The following CCNO variants were observed in gnomAD, a reference collection of about 807,000 sequenced individuals.
CCNO encodes the protein cyclin-O.
CCNO carries 24 observed loss-of-function variants against 23.9 expected under a neutral mutation model. That is an observed-to-expected ratio of 1.00 (90% CI 0.73 to 1.41). The LOEUF (loss-of-function observed/expected upper bound fraction) is 1.41. CCNO is among the 40% of genes most tolerant of loss of function. The probability of loss-of-function intolerance (pLI) is 0.00; values close to 1 mark genes in which losing one functional copy is unlikely to be tolerated. For synonymous variants in CCNO, 241 were observed against 225.7 expected, an observed-to-expected ratio of 1.07 and a Z score of -0.61; for missense variants, 542 against 476.2, an observed-to-expected ratio of 1.14 and a Z score of -1.29.
chr5:55,232,983 A>C, intron 1 of CCNO, 160 bp downstream of exon 1: 2 of 722,470 alleles, frequency 2.8e-6, no homozygotes, highest in Non-Finnish European at 2.2e-6. Context: ...CTGTAAAATG[A>C]GGCCGGTGAC....
Position 55,233,140 on chromosome 5 carries a change from C to T in CCNO, c.381+3G>A, listed in dbSNP as rs577008396. On this transcript the variant is annotated splice_donor_region_variant and intron_variant, in intron 1 of 2. Coordinates refer to ENST00000282572, the MANE Select transcript of CCNO (RefSeq NM_021147.5). ...CGTGGAGCTGGCTCTACCAGCACCT[C>T]ACTTGTGGCTGCCGTGCCAGCGCCT... 9.1e-6 allele frequency: 14 copies of T among 1,540,990 alleles called. No homozygotes were observed. Among genetic ancestry groups the T allele is most frequent in the Non-Finnish European group, 1.2e-5 (14 of 1,146,150 alleles).
intron 2 of CCNO, 28 bp downstream of exon 2, chr5:55,232,333 G>A (rs1286638529): frequency 6.2e-7 from 1 of 1,601,056 alleles, no homozygotes; most frequent in African/African-American, 1.3e-5. Flanking sequence ...CCCAGATGCC[G>A]CGTGTACCTG....
intron 2 of CCNO, 92 bp from the exon 3 acceptor site, chr5:55,231,952 A>G: frequency 1.4e-6 from 2 of 1,393,620 alleles, no homozygotes; most frequent in Non-Finnish European, 1.9e-6. Flanking sequence ...CATCCCTTCC[A>G]GAGAGACAGC....
At position 55,233,370 on chromosome 5, in the gene CCNO, G is replaced by C; in HGVS notation, c.154C>G (p.Pro52Ala). The change falls in exon 1 of 3, where the codon CCG becomes GCG. Residue 52 changes from proline (P) to alanine (A), a missense_variant. Pro to Ala is a conservative substitution (Grantham distance 27). Transcript: ENST00000282572. ...PLHPLNPCPL[P>A]GDSGICDLFE... ...AGGTCGCAAATGCCGGAGTCTCCCG[G>C]GAGCGGGCACGGGTTCAGGGGATGC... The C allele has an allele frequency of 6.2e-7, 1 of 1,610,494 alleles. No homozygotes were observed. The highest frequency in any genetic ancestry group is 1.1e-5 in the South Asian group (1 of 90,818).
Position 55,231,620 on chromosome 5 carries a change from G to T in CCNO, c.808C>A (p.Leu270Met), listed in dbSNP as rs748700550. Reference protein sequence around the residue: ...ALARGVAELSLADYAFTSYSP... With the variant: ...ALARGVAELSMADYAFTSYSP... ...TAGCTGGTGAAGGCATAGTCGGCCA[G>T]ACTCAGCTCTGCCACCCCCCGCGCC... Residue 270 changes from leucine to methionine, a missense_variant, in exon 3 of 3, where the codon CTG (leucine) becomes ATG (methionine). Coordinates refer to ENST00000282572, the MANE Select transcript of CCNO (RefSeq NM_021147.5). 9.3e-6 allele frequency: 15 copies of T among 1,610,222 alleles called. No individual in the cohort carries two copies. The highest frequency in any genetic ancestry group is 1.2e-5 in the Non-Finnish European group (14 of 1,178,704).
At position 55,231,454 on chromosome 5, in the gene CCNO, G is replaced by A; in HGVS notation, c.974C>T (p.Ala325Val). 1 of 1,614,114 alleles carries A rather than the reference G, an allele frequency of 6.2e-7. No homozygotes were observed. Among genetic ancestry groups the A allele is most frequent in the Non-Finnish European group, 8.5e-7 (1 of 1,180,026 alleles). Reference protein sequence around the residue: ...DCMGKLQLLVAINSTSLTHML... With the variant: ...DCMGKLQLLVVINSTSLTHML... ...GTGAGTCAAGGAAGTACTGTTTATG[G>A]CCACCAGCAGCTGCAACTTGCCCAT... The change falls in exon 3 of 3, where the codon GCC (alanine) becomes GTC (valine). Residue 325 changes from alanine to valine, a missense_variant. Ala to Val is a moderately conservative substitution (Grantham distance 64). Transcript: ENST00000282572.
chr5:55,232,644 G>A, intron 1 of CCNO, 98 bp from the exon 2 acceptor site: 4 of 1,149,066 alleles, frequency 3.5e-6, no homozygotes, highest in African/African-American at 1.5e-5. Context: ...GAGCTTCCCA[G>A]GAGAGGGGCA....
chr5:55,233,441 G>T lies in CCNO; in HGVS notation c.83C>A (p.Pro28Gln). 6.2e-7 allele frequency: 1 copy of T among 1,604,574 alleles called. No homozygotes were observed. The highest frequency in any genetic ancestry group is 8.5e-7 in the Non-Finnish European group (1 of 1,176,402). The change falls in exon 1 of 3, where the codon CCG (proline) becomes CAG (glutamine). Residue 28 changes from proline to glutamine, a missense_variant. Pro to Gln is a moderately conservative substitution (Grantham distance 76). Transcript: ENST00000282572. Reference sequence around the variant, plus strand: ...GCGCGGACGCCTGCTCTTCTTCACCGGGGCGCGAAGGTTCTGGTCGTTGTC... The same window carrying T: ...GCGCGGACGCCTGCTCTTCTTCACCTGGGCGCGAAGGTTCTGGTCGTTGTC... Reference protein sequence around the residue: ...RRDNDQNLRAPVKKSRRPRLR... With the variant: ...RRDNDQNLRAQVKKSRRPRLR...
Position 55,233,574 on chromosome 5 carries a change from G to A in CCNO, c.-51C>T, listed in dbSNP as rs978545140. The A allele has an allele frequency of 2.1e-6, 3 of 1,460,806 alleles. No individual in the cohort carries two copies. The highest frequency in any genetic ancestry group is 2.7e-6 in the Non-Finnish European group (3 of 1,111,624). The allele number at this position is 1,460,806 out of a possible 1,614,324, so 90.5% of individuals were successfully genotyped here. ...ACCTTCAACGCCCGGGCTGCGGCGGGCAGCAAACGCGCACTCGAAAGTGCG... is the reference window on the plus strand; with the variant it reads ...ACCTTCAACGCCCGGGCTGCGGCGGACAGCAAACGCGCACTCGAAAGTGCG... On this transcript the variant is annotated 5_prime_UTR_variant, in exon 1 of 3. Coordinates refer to ENST00000282572, the MANE Select transcript of CCNO (RefSeq NM_021147.5).
Position 55,232,549 on chromosome 5 carries a change from G to C in CCNO, c.382-3C>G, listed in dbSNP as rs1277937888. 1.9e-6 allele frequency: 3 copies of C among 1,613,350 alleles called. No homozygotes were observed. The highest frequency in any genetic ancestry group is 1.7e-6 in the Non-Finnish European group (2 of 1,179,942). Reference sequence around the variant, plus strand: ...TTACAGCGGGATTCCGCCGTCACCTGCCGGGAAGGAGGGGGGAGGCGGGCC... The same window carrying C: ...TTACAGCGGGATTCCGCCGTCACCTCCCGGGAAGGAGGGGGGAGGCGGGCC... On this transcript the variant is annotated splice_polypyrimidine_tract_variant and splice_region_variant and intron_variant, in intron 1 of 2. Transcript: ENST00000282572.
intron 1 of CCNO, 68 bp downstream of exon 1, chr5:55,233,075 C>CAGGAGAGGAGAGAGCCTGGG (rs2111721007): frequency 1.4e-6 from 2 of 1,473,560 alleles, no homozygotes; most frequent in Non-Finnish European, 1.8e-6. Context: ...GCCGAGCCGG[C>CAGGAGAGGAGAGAGCCTGGG]AGGAGAGGAG....
At position 55,231,610 on chromosome 5, in the gene CCNO, T is replaced by A; in HGVS notation, c.818A>T (p.Tyr273Phe). 2 of 1,612,090 alleles carry A rather than the reference T, an allele frequency of 1.2e-6. No individual in the cohort carries two copies. The highest frequency in any genetic ancestry group is 3.3e-4 in the Middle Eastern group (2 of 6,058). ...RGVAELSLAD[Y>F]AFTSYSPSLL... ...GGAAGGGGAGTAGCTGGTGAAGGCA[T>A]AGTCGGCCAGACTCAGCTCTGCCAC... Residue 273 changes from tyrosine (Y) to phenylalanine (F), a missense_variant, in exon 3 of 3, where the codon TAT becomes TTT. By Grantham distance (22) the Tyr-to-Phe change is conservative. Transcript: ENST00000282572.
rs776932769 is a variant in CCNO at position 55,231,642 on chromosome 5, C to T, written c.786G>A (p.Ala262=). Residue 262 remains alanine (A), a synonymous_variant, in exon 3 of 3, where the codon GCG becomes GCA. Coordinates refer to ENST00000282572, the MANE Select transcript of CCNO (RefSeq NM_021147.5). Reference sequence around the variant, plus strand: ...CCAGACTCAGCTCTGCCACCCCCCGCGCCAGGGCTTGCGCTTCCAGAGCTT... The same window carrying T: ...CCAGACTCAGCTCTGCCACCCCCCGTGCCAGGGCTTGCGCTTCCAGAGCTT... ...ASEALEAQAL[A]RGVAELSLAD... 1.9e-6 allele frequency: 3 copies of T among 1,595,478 alleles called. No homozygotes were observed. Among genetic ancestry groups the T allele is most frequent in the Non-Finnish European group, 2.6e-6 (3 of 1,171,618 alleles).
intron 1 of CCNO, 84 bp from the exon 2 acceptor site, chr5:55,232,630 C>T (rs1220485978): frequency 1.5e-6 from 2 of 1,336,056 alleles, no homozygotes; most frequent in South Asian, 1.2e-5. Flanking sequence ...CAAGAAGAAT[C>T]GGGGAGCTTC....
Position 55,233,168 on chromosome 5 carries a change from C to A in CCNO, c.356G>T (p.Arg119Leu). ...RKAQESHFHP[R>L]EALARQPQVT... is the part of the protein sequence containing the mutation. ...TTGTGGCTGCCGTGCCAGCGCCTCC[C>A]GCGGGTGGAAGTGGCTCTCCTGCGC... The change falls in exon 1 of 3, where the codon CGG (arginine) becomes CTG (leucine). Residue 119 changes from arginine (R) to leucine (L), a missense_variant. By Grantham distance (102) the Arg-to-Leu change is moderately radical. Coordinates refer to ENST00000282572, the MANE Select transcript of CCNO (RefSeq NM_021147.5). 6.5e-7 allele frequency: 1 copy of A among 1,546,454 alleles called. No individual in the cohort carries two copies. Among genetic ancestry groups the A allele is most frequent in the South Asian group, 1.2e-5 (1 of 84,104 alleles).
At chr5:55,233,108 G>A (rs1561121558) in intron 1 of CCNO, 35 bp downstream of exon 1, 1 of 1,526,420 alleles carries the variant, frequency 6.6e-7, no homozygotes, top group Non-Finnish European at 8.8e-7. Flanking sequence ...GAGAGGAAGA[G>A]CGGCGGCGTG....
intron 2 of CCNO, 58 bp downstream of exon 2, chr5:55,232,303 C>G (rs1161006068): frequency 4.9e-6 from 7 of 1,419,046 alleles, no homozygotes; most frequent in Non-Finnish European, 4.8e-6. Context: ...CAGGGAGTGG[C>G]GGGGGAGTTT....
rs369830529 is a variant in CCNO, at chr5:55,233,316, C to T, written c.208G>A (p.Gly70Ser). Residue 70 changes from glycine (G) to serine (S), a missense_variant, in exon 1 of 3, where the codon GGC becomes AGC. Coordinates refer to ENST00000282572, the MANE Select transcript of CCNO (RefSeq NM_021147.5). ...LFESPSSGSD[G>S]AESPSAARGG... ...CGCGCCGCAGAGGGGCTCTCTGCGC[C>T]GTCTGAGCCGGAGCTGGGGGACTCG... 1.9e-6 allele frequency: 3 copies of T among 1,599,140 alleles called. No individual in the cohort carries two copies. The highest frequency in any genetic ancestry group is 2.7e-5 in the African/African-American group (2 of 74,698).
In CCNO at chr5:55,233,283, T is replaced by C. The variant is rs1301194143; in HGVS notation, c.241A>G (p.Ser81Gly). Residue 81 changes from serine (S) to glycine (G), a missense_variant, in exon 1 of 3, where the codon AGC becomes GGC. Ser to Gly is a moderately conservative substitution (Grantham distance 56). Coordinates refer to ENST00000282572, the MANE Select transcript of CCNO (RefSeq NM_021147.5). ...AESPSAARGG[S>G]PLPGPAQPVA... ...GGCTGGGCCGGGCCGGGCAGGGGGC[T>C]ACCACCCCGCGCCGCAGAGGGGCTC... 3 of 1,590,774 alleles carry C rather than the reference T, an allele frequency of 1.9e-6. No homozygotes were observed. The highest frequency in any genetic ancestry group is 2.6e-6 in the Non-Finnish European group (3 of 1,170,804).
Sources: allele counts gnomAD v4.1 joint callset, GRCh38; gene constraint gnomAD v4.1.1; transcripts MANE v1.5; gene names NCBI Gene and HGNC (gene_info 2026-07-23, HGNC 2026-07-21).